Variants in GTF2H2 observed in about 807,000 individuals in gnomAD.
The protein encoded by GTF2H2 is TFIIH basal transcription factor complex p44 subunit.
Under a neutral mutation model 16.5 loss-of-function variants are expected in GTF2H2, and 2 were observed. That is an observed-to-expected ratio of 0.12 (90% CI 0.05 to 0.38). The LOEUF is 0.38. GTF2H2 is among the 10% of genes least tolerant of loss of function. GTF2H2 has a pLI of 0.99. For synonymous variants in GTF2H2, 8 were observed against 44.1 expected, an observed-to-expected ratio of 0.18 and a Z score of 3.24; for missense variants, 20 against 137.0, an observed-to-expected ratio of 0.15 and a Z score of 4.26.
intron 3 of GTF2H2, 63 bp from the exon 4 acceptor site, chr5:71,061,371 T>C (rs1753617511): frequency 7.3e-7 from 1 of 1,360,666 alleles, no homozygotes; most frequent in African/African-American, 1.5e-5. Flanking sequence ...ACAAAAAAAA[T>C]ACAACTTTCC....
At chr5:71,054,529 T>C (rs1209461462) in intron 8 of GTF2H2, among the ~76,000 whole-genome samples, 1 of 144,078 alleles carries the variant, frequency 6.9e-6, no homozygotes, top group Non-Finnish European at 1.5e-5. Flanking sequence ...ACCCCATCTG[T>C]ACTAAAAATA....
At position 71,055,176 on chromosome 5, in the gene GTF2H2, T is replaced by C. The variant is rs1235915283; in HGVS notation, c.470+176A>G. ...AACCTTTAACAATATCTTACTAAAA[T>C]GTAAAATAAAGATTACTAACCAACA... On this transcript the variant is annotated intron_variant, in intron 8 of 15. Transcript: ENST00000274400. 1.2e-5 allele frequency: 6 copies of C among 518,922 alleles called. No individual in the cohort carries two copies. The East Asian group carries it at 2.1e-4, about 19-fold the overall frequency. The allele number at this position is 518,922 out of a possible 1,614,324, so 32.1% of individuals were successfully genotyped here. A position where few individuals can be genotyped will look rare whatever the true frequency, so the allele number is the denominator to read the frequency against.
At chr5:71,046,663 T>A (rs1275844621) in intron 11 of GTF2H2, among the ~76,000 whole-genome samples, 9 of 133,828 alleles carry the variant, frequency 6.7e-5, no homozygotes, top group Admixed American at 4.9e-4. Flanking sequence ...AATAACATTT[T>A]AAAAAAGTGA....
At chr5:71,061,281 T>A in exon 4 of GTF2H2, 1 of 1,476,632 alleles carries the variant, frequency 6.8e-7, no homozygotes, top group African/African-American at 1.4e-5. Flanking sequence ...CCATTCCAAG[T>A]CGAACTTGTC....
chr5:71,054,644 G>A (rs1408124702), intron 8 of GTF2H2, among the ~76,000 whole-genome samples: 3 of 140,440 alleles, frequency 2.1e-5, no homozygotes, highest in Non-Finnish European at 4.6e-5. Context: ...AGTGAGCTGA[G>A]ATCACGCCAC....
At chr5:71,046,645 T>C (rs1752375453) in intron 11 of GTF2H2, among the ~76,000 whole-genome samples, 1 of 137,176 alleles carries the variant, frequency 7.3e-6, no homozygotes, top group Non-Finnish European at 1.6e-5. Flanking sequence ...TTTTGTAAAA[T>C]AGAAGAAAAT....
intron 8 of GTF2H2, among the ~76,000 whole-genome samples, chr5:71,054,180 G>A (rs1237257604): frequency 2.1e-5 from 3 of 145,542 alleles, no homozygotes; most frequent in Admixed American, 6.9e-5. Context: ...ATGATAGCTT[G>A]TAGATTTTTA....
intron 8 of GTF2H2, among the ~76,000 whole-genome samples, chr5:71,053,119 CTAAG>C (rs1176249856): frequency 1.7e-5 from 2 of 117,146 alleles, no homozygotes; most frequent in Admixed American, 9.3e-5. Flanking sequence ...CACAATGTGA[CTAAG>C]TGTTTAGCAC....
intron 7 of GTF2H2, among the ~76,000 whole-genome samples, chr5:71,057,495 ATCTGAG>A (rs1235557991): frequency 2.9e-5 from 4 of 136,574 alleles, no homozygotes; most frequent in African/African-American, 1.1e-4. Flanking sequence ...GTTTTTACTC[ATCTGAG>A]TAAGTTTTAA....
chr5:71,052,058 AAAAAG>A (rs1462157776), intron 8 of GTF2H2, among the ~76,000 whole-genome samples: 4 of 140,890 alleles, frequency 2.8e-5, no homozygotes, highest in African/African-American at 1.1e-4. Flanking sequence ...AACAAAAAAG[AAAAAG>A]AAAATTTGAT....
At chr5:71,058,302 A>T (rs1454704746) in intron 7 of GTF2H2, 1 of 136,482 alleles carries the variant, frequency 7.3e-6, no homozygotes, top group Non-Finnish European at 1.6e-5. Flanking sequence ...TGGAGGAACC[A>T]TCCTTCTTCC....
In GTF2H2 at chr5:71,059,415, G is replaced by GA. The variant is rs1397393948; in HGVS notation, c.364+274dup. On this transcript the variant is annotated intron_variant, in intron 7 of 15. Transcript: ENST00000274400. ...AAAAAAAAAAAAAAAAAAAAGGAAA[G>GA]AAAAAAAATTTCAGGATAAGCACAT... 444 of 53,240 alleles carry GA rather than the reference G, an allele frequency of 8.3e-3. 10 individuals are homozygous for GA. The highest frequency in any genetic ancestry group is 0.037 in the African/African-American group (426 of 11,660). The allele number at this position is 53,240 out of a possible 1,614,324, so 3.3% of individuals were successfully genotyped here.
Position 71,052,883 on chromosome 5 carries a change from T to A in GTF2H2, c.470+2469A>T, listed in dbSNP as rs1231476281. Among the ~76,000 whole-genome samples, 47 of 82,682 alleles carry A rather than the reference T, an allele frequency of 5.7e-4. 1 individual carries two copies. The highest frequency in any genetic ancestry group is 9.6e-4 in the South Asian group (2 of 2,078). The allele number at this position is 82,682 out of a possible 152,430, so 54.2% of individuals were successfully genotyped here. On this transcript the variant is annotated intron_variant, in intron 8 of 15. Transcript: ENST00000274400. The stretch of plus-strand genomic sequence containing the variant: ...CTCAGCCTCCTGAGAAGTTAGGGAC[T>A]ACATACAGGTGCTCGCCACTGTGCC...
chr5:71,058,265 GA>G (rs1369935752), intron 7 of GTF2H2: 1 of 138,930 alleles, frequency 7.2e-6, no homozygotes, highest in African/African-American at 2.7e-5. Flanking sequence ...AAAGTGAGAG[GA>G]AAATATTGAC....
chr5:71,054,407 G>A (rs1393745698), intron 8 of GTF2H2, among the ~76,000 whole-genome samples: 1 of 145,992 alleles, frequency 6.8e-6, no homozygotes, highest in Non-Finnish European at 1.5e-5. Flanking sequence ...AAAGGTATAA[G>A]TCTGAGCCAG....
chr5:71,054,739 GTGTGTGTGTGTGTATA>G lies in GTF2H2; in HGVS notation c.470+597_470+612del, dbSNP rs1419847838. Among the ~76,000 whole-genome samples, 101 of 136,058 alleles carry G rather than the reference GTGTGTGTGTGTGTATA, an allele frequency of 7.4e-4. 8 individuals are homozygous for G. The highest frequency in any genetic ancestry group is 2.5e-3 in the Admixed American group (32 of 12,946). The allele number at this position is 136,058 out of a possible 152,430, so 89.3% of individuals were successfully genotyped here. On this transcript the variant is annotated intron_variant, in intron 8 of 15. Coordinates refer to ENST00000274400, the Ensembl canonical transcript of GTF2H2. ...TGTGTGTGTGTGTGTGTGTGTGTGT[GTGTGTGTGTGTGTATA>G]TATATAATAGATATATAAGCTTTAA...
chr5:71,045,756 C>CT (rs1290412816), intron 11 of GTF2H2, among the ~76,000 whole-genome samples: 31 of 69,686 alleles, frequency 4.4e-4, no homozygotes, highest in Admixed American at 8.4e-4. Flanking sequence ...ATATATTTTT[C>CT]TTTTTTTTTT....
chr5:71,058,287 T>C (rs1327047991), intron 7 of GTF2H2: 1 of 137,562 alleles, frequency 7.3e-6, no homozygotes, highest in Non-Finnish European at 1.6e-5. Flanking sequence ...CTTATATTCC[T>C]ACCTTGGAGG....
At chr5:71,054,592 G>C (rs1317679627) in intron 8 of GTF2H2, among the ~76,000 whole-genome samples, 8 of 142,566 alleles carry the variant, frequency 5.6e-5, no homozygotes, top group African/African-American at 2.2e-4. Context: ...CACTAGGGAG[G>C]CTGAGGCACA....
Sources: gnomAD v4.1 joint callset for allele counts (sites outside exome capture counted in the v4.1 genomes callset) on GRCh38, gnomAD v4.1.1 for gene constraint, MANE v1.5 for transcripts, NCBI Gene and HGNC (gene_info 2026-07-23, HGNC 2026-07-21) for gene names.